BBS9: variants seen among roughly 807,000 people sequenced by gnomAD.
The protein encoded by BBS9 is Bardet-Biedl syndrome 9, also known as protein PTHB1.
In BBS9, 89 loss-of-function variants were observed where a neutral mutation model predicts 117.7. The ratio of observed to expected loss-of-function variants is 0.76; its 90% CI spans 0.64 to 0.90. The LOEUF (loss-of-function observed/expected upper bound fraction) is 0.90, where lower values mean the gene tolerates loss of function less well. Ranked by LOEUF, BBS9 falls within the 40% of genes least tolerant of loss-of-function variation. BBS9 has a pLI of 0.00. For missense variants in BBS9, 982 were observed against 1,042.2 expected (o/e 0.94, Z 0.80); for synonymous variants, 379 against 370.9 (o/e 1.02, Z -0.25).
chr7:33,319,399 G>A (rs369960462), intron 9 of BBS9, among the ~76,000 whole-genome samples: 1 of 152,012 alleles, frequency 6.6e-6, no homozygotes, highest in African/African-American at 2.4e-5. Flanking sequence ...CTTTTCCTCT[G>A]GGTAGATACC....
intron 19 of BBS9, among the ~76,000 whole-genome samples, chr7:33,457,014 G>A (rs978900786): frequency 7.9e-5 from 12 of 152,312 alleles, no homozygotes; most frequent in African/African-American, 2.9e-4. Flanking sequence ...TGGTCACCAT[G>A]GTGCAAGGTG....
intron 21 of BBS9, among the ~76,000 whole-genome samples, chr7:33,618,720 A>G (rs1219282574): frequency 1.3e-5 from 2 of 152,108 alleles, no homozygotes; most frequent in Non-Finnish European, 1.5e-5. Context: ...TGACATTAAT[A>G]ACATAATGTG....
intron 5 of BBS9, among the ~76,000 whole-genome samples, chr7:33,213,181 G>A (rs1349062089): frequency 6.6e-6 from 1 of 152,176 alleles, no homozygotes; most frequent in Non-Finnish European, 1.5e-5. Flanking sequence ...GGCTAAGCTG[G>A]CACTCAAACC....
At chr7:33,331,535 C>T (rs1454135043) in intron 9 of BBS9, among the ~76,000 whole-genome samples, 1 of 151,950 alleles carries the variant, frequency 6.6e-6, no homozygotes, top group African/African-American at 2.4e-5. Context: ...ATCCAAAAAG[C>T]TCTTAGATCA....
intron 1 of BBS9, among the ~76,000 whole-genome samples, chr7:33,131,719 T>G (rs1162352665): frequency 6.6e-6 from 1 of 152,082 alleles, no homozygotes; most frequent in Admixed American, 6.6e-5. Context: ...GTCAATGAGG[T>G]GTTCAAGACC....
chr7:33,574,729 GCA>G (rs1218351798), intron 21 of BBS9, among the ~76,000 whole-genome samples: 41 of 121,076 alleles, frequency 3.4e-4, no homozygotes, highest in South Asian at 5.3e-4. Context: ...ACACACACGC[GCA>G]CACACACACA....
At chr7:33,202,969 G>A (rs77040704) in intron 5 of BBS9, among the ~76,000 whole-genome samples, 4,022 of 152,284 alleles carry the variant, frequency 0.026, 190 homozygotes, top group African/African-American at 0.092. Context: ...AGTAACTCCA[G>A]TGGAAAACAA....
At chr7:33,273,261 G>A (rs551991771) in intron 8 of BBS9, 66 bp downstream of exon 8, 2 of 1,482,518 alleles carry the variant, frequency 1.3e-6, no homozygotes, top group Non-Finnish European at 1.9e-6. Context: ...ACCAGAAAAA[G>A]CCACACTCAT....
chr7:33,155,515 A>G (rs1793962318), intron 3 of BBS9, 123 bp from the exon 4 acceptor site: 3 of 655,678 alleles, frequency 4.6e-6, no homozygotes, highest in Admixed American at 2.5e-5. Flanking sequence ...ATGTTATCTA[A>G]TGAATTGTTT....
intron 19 of BBS9, among the ~76,000 whole-genome samples, chr7:33,478,428 G>C (rs1842081349): frequency 6.6e-6 from 1 of 152,170 alleles, no homozygotes; most frequent in African/African-American, 2.4e-5. Context: ...TTTTCTGATT[G>C]TGGAATTGGC....
intron 1 of BBS9, among the ~76,000 whole-genome samples, chr7:33,137,121 G>A (rs565724672): frequency 7.2e-5 from 11 of 152,146 alleles, no homozygotes; most frequent in African/African-American, 2.2e-4. Flanking sequence ...CTGTGCTGTC[G>A]GTGCCCAGAG....
At chr7:33,186,652 C>T (rs1010439059) in intron 5 of BBS9, among the ~76,000 whole-genome samples, 6 of 151,996 alleles carry the variant, frequency 3.9e-5, no homozygotes, top group South Asian at 2.1e-4. Context: ...ATTTAAAATT[C>T]CTCCAAAAAT....
chr7:33,199,610 TACTC>T (rs1785507073), intron 5 of BBS9, among the ~76,000 whole-genome samples: 2 of 151,838 alleles, frequency 1.3e-5, no homozygotes, highest in Admixed American at 6.6e-5. Context: ...ATGTTATACT[TACTC>T]AGTCTCCTTT....
intron 19 of BBS9, among the ~76,000 whole-genome samples, chr7:33,425,392 C>T (rs368365028): frequency 6.6e-6 from 1 of 152,064 alleles, no homozygotes; most frequent in East Asian, 1.9e-4. Context: ...AGGATGTGCA[C>T]GTTTGTTACA....
intron 19 of BBS9, among the ~76,000 whole-genome samples, chr7:33,394,718 A>C (rs1827654543): frequency 6.6e-6 from 1 of 152,208 alleles, no homozygotes; most frequent in Non-Finnish European, 1.5e-5. Flanking sequence ...TAAAATTGGA[A>C]TACTGCCTTC....
At chr7:33,191,397 G>A (rs1357534338) in intron 5 of BBS9, among the ~76,000 whole-genome samples, 2 of 152,182 alleles carry the variant, frequency 1.3e-5, no homozygotes, top group African/African-American at 4.8e-5. Context: ...CCTTTAACCT[G>A]GTTCTGTAGC....
intron 21 of BBS9, among the ~76,000 whole-genome samples, chr7:33,591,667 A>T (rs1332838815): frequency 6.6e-6 from 1 of 152,098 alleles, no homozygotes; most frequent in Non-Finnish European, 1.5e-5. Flanking sequence ...CTAGATCAGC[A>T]GACTTCCTCT....
At chr7:33,297,457 T>G (rs536299453) in intron 9 of BBS9, among the ~76,000 whole-genome samples, 1 of 152,294 alleles carries the variant, frequency 6.6e-6, no homozygotes, top group Admixed American at 6.5e-5. Context: ...GGTGGGTGAC[T>G]TGGTTTATAG....
intron 9 of BBS9, among the ~76,000 whole-genome samples, chr7:33,287,575 C>A (rs543889916): frequency 6.6e-5 from 10 of 152,278 alleles, no homozygotes; most frequent in African/African-American, 2.4e-4. Flanking sequence ...TGCCAGTTAA[C>A]AGATTGTGGG....
Sources: allele counts gnomAD v4.1 joint callset (sites outside exome capture counted in the v4.1 genomes callset), GRCh38; gene constraint gnomAD v4.1.1; transcripts MANE v1.5; gene names NCBI Gene and HGNC (gene_info 2026-07-23, HGNC 2026-07-21).